ZZEF1: variants seen among roughly 807,000 people sequenced by gnomAD.
The protein encoded by ZZEF1 is zinc finger ZZ-type and EF-hand domain-containing protein 1.
A neutral mutation model predicts 342.8 loss-of-function variants in ZZEF1; 157 were observed. That is an observed-to-expected ratio of 0.46 (90% CI 0.40 to 0.52). The LOEUF is 0.52. ZZEF1 is among the 20% of genes least tolerant of loss of function. The pLI is 0.00. For synonymous variants in ZZEF1, 1,505 were observed against 1,429.1 expected (o/e 1.05, Z -1.20); for missense variants, 3,480 against 3,725.6 (o/e 0.93, Z 1.72).
rs1342949222 is a variant in ZZEF1 at position 4,005,734 on chromosome 17, G to T, written c.*1156C>A. 1 of 152,316 alleles carries T rather than the reference G, an allele frequency of 6.6e-6. No homozygotes were observed. The allele number at this position is 152,316 out of a possible 1,614,324, so 9.4% of individuals were successfully genotyped here. A position where few individuals can be genotyped will look rare whatever the true frequency, so the allele number is the denominator to read the frequency against. ...TTCTCTGGCTCTGGCACTGTGTGGTGGGACGTGCTTCGGCCCAGACACTGC... is the reference window on the plus strand; with the variant it reads ...TTCTCTGGCTCTGGCACTGTGTGGTTGGACGTGCTTCGGCCCAGACACTGC... On this transcript the variant is annotated 3_prime_UTR_variant, in exon 55 of 55. Transcript: ENST00000381638.
intron 11 of ZZEF1, among the ~76,000 whole-genome samples, chr17:4,092,959 C>CAA (rs111253238): frequency 1.0e-5 from 1 of 97,210 alleles, no homozygotes; most frequent in Non-Finnish European, 2.2e-5. Flanking sequence ...AGGACATGAC[C>CAA]AAAAAAAAAA....
chr17:4,014,289 T>A lies in ZZEF1; in HGVS notation c.8314+58A>T, dbSNP rs1372520455. 6.2e-7 allele frequency: 1 copy of A among 1,611,392 alleles called. No individual in the cohort carries two copies. Among genetic ancestry groups the A allele is most frequent in the African/African-American group, 1.3e-5 (1 of 74,866 alleles). ...ATTCTCCAGTAAGTTCCCTTCTCAA[T>A]ATTAAGTTTAAACACTGCCTGTGAA... is the stretch of plus-strand genomic sequence containing the variant. On this transcript the variant is annotated intron_variant, in intron 50 of 54. Transcript: ENST00000381638. This position sits in a 1 kb window ranked among gnomAD's most constrained non-coding sequence, Gnocchi z 4.4.
chr17:4,017,229 C>G lies in ZZEF1; in HGVS notation c.8001+142G>C. ...CAATCCTTGGGAGAGGATACAGTGA[C>G]CCTACCTTTGCTGCATTCACACCTG... is the stretch of plus-strand genomic sequence containing the variant. On this transcript the variant is annotated intron_variant, in intron 48 of 54. Coordinates refer to ENST00000381638, the MANE Select transcript of ZZEF1 (RefSeq NM_015113.4). This position sits in a 1 kb window ranked among gnomAD's most constrained non-coding sequence, Gnocchi z 5.1. 1 of 1,202,696 alleles carries G rather than the reference C, an allele frequency of 8.3e-7. No individual in the cohort carries two copies. The highest frequency in any genetic ancestry group is 1.1e-6 in the Non-Finnish European group (1 of 876,718). The allele number at this position is 1,202,696 out of a possible 1,614,324, so 74.5% of individuals were successfully genotyped here.
intron 21 of ZZEF1, chr17:4,076,405 T>G (rs2057621577): frequency 2.9e-6 from 1 of 348,926 alleles, no homozygotes; most frequent in African/African-American, 2.1e-5. Context: ...AGTGCTGGGA[T>G]TACAAGCGTG....
rs1392836849 is a variant in ZZEF1 at position 4,008,545 on chromosome 17, C to T, written c.8805+338G>A. ...CAAACAGCTGTCAGAAGAGGAGTTC[C>T]GCTACCAGAGAAGCAACTCACATCT... On this transcript the variant is annotated intron_variant, in intron 54 of 54. Coordinates refer to ENST00000381638, the MANE Select transcript of ZZEF1 (RefSeq NM_015113.4). The surrounding 1 kb of genome is among the most constrained non-coding windows in gnomAD (Gnocchi z 4.2). 1.3e-5 allele frequency: 14 copies of T among 1,061,514 alleles called. No individual in the cohort carries two copies. The highest frequency in any genetic ancestry group is 5.2e-5 in the Admixed American group (1 of 19,052). The allele number at this position is 1,061,514 out of a possible 1,614,324, so 65.8% of individuals were successfully genotyped here.
chr17:4,095,106 C>T (rs1254021535), intron 11 of ZZEF1, among the ~76,000 whole-genome samples: 4 of 152,178 alleles, frequency 2.6e-5, no homozygotes, highest in Admixed American at 1.3e-4. Context: ...ACCCTCCCTC[C>T]GAGTATCCCT....
At chr17:4,113,916 C>T (rs1458942275) in intron 4 of ZZEF1, among the ~76,000 whole-genome samples, 3 of 151,804 alleles carry the variant, frequency 2.0e-5, no homozygotes, top group Non-Finnish European at 4.4e-5. Flanking sequence ...TTACAGTGAG[C>T]TATGGCTGCA....
At chr17:4,096,475 G>A (rs2058035149) in intron 10 of ZZEF1, 134 bp downstream of exon 10, 4 of 731,760 alleles carry the variant, frequency 5.5e-6, no homozygotes, top group Non-Finnish European at 9.3e-6. Flanking sequence ...CTCATCCTCT[G>A]TATGATTATT....
chr17:4,006,933 T>G lies in ZZEF1; in HGVS notation c.8843A>C (p.Asn2948Thr), dbSNP rs745772153. ...GAGGCGGGTGGCCTTGTTTGGGTAG[T>G]TGATGGCCAGGCTGATGGCAGCAAT... The part of the protein sequence containing the change: ...QNIAAISLAI[N>T]YPNKATRLWN... Residue 2948 changes from asparagine to threonine, a missense_variant, in exon 55 of 55, where the codon AAC becomes ACC. Transcript: ENST00000381638. 2 of 1,576,986 alleles carry G rather than the reference T, an allele frequency of 1.3e-6. No homozygotes were observed. Among genetic ancestry groups the G allele is most frequent in the African/African-American group, 2.7e-5 (2 of 74,262 alleles).
chr17:4,119,911 T>C (rs145257469), intron 2 of ZZEF1, among the ~76,000 whole-genome samples: 23 of 152,332 alleles, frequency 1.5e-4, no homozygotes, highest in Middle Eastern at 3.4e-3. Context: ...AGTGCATTTA[T>C]TCTGCACAAC....
intron 1 of ZZEF1, among the ~76,000 whole-genome samples, chr17:4,134,692 T>C (rs888458137): frequency 9.9e-5 from 15 of 152,010 alleles, no homozygotes; most frequent in African/African-American, 3.4e-4. Flanking sequence ...TTTTAAGGCA[T>C]ATGGTTAGTA....
chr17:4,110,616 T>C (rs1694889661), intron 5 of ZZEF1, among the ~76,000 whole-genome samples: 1 of 152,180 alleles, frequency 6.6e-6, no homozygotes, highest in South Asian at 2.1e-4. Flanking sequence ...ATTGTGATTA[T>C]TTCCAAAATG....
At chr17:4,142,243 C>G (rs564643654) in intron 1 of ZZEF1, among the ~76,000 whole-genome samples, 3 of 62,518 alleles carry the variant, frequency 4.8e-5, no homozygotes, top group Non-Finnish European at 1.4e-4. Flanking sequence ...CCAAACTGTT[C>G]GAGAATCTGA....
chr17:4,008,744 G>A lies in ZZEF1; in HGVS notation c.8805+139C>T, dbSNP rs2144911605. The A allele has an allele frequency of 7.0e-7, 1 of 1,431,914 alleles. No individual in the cohort carries two copies. The allele number at this position is 1,431,914 out of a possible 1,614,324, so 88.7% of individuals were successfully genotyped here. Reference sequence around the variant, plus strand: ...CTCTGAGCACCAGGAGGAAGTGACTGAACTGGAACAAGCTCTGTGTAAGCT... The same window carrying A: ...CTCTGAGCACCAGGAGGAAGTGACTAAACTGGAACAAGCTCTGTGTAAGCT... On this transcript the variant is annotated intron_variant, in intron 54 of 54. Coordinates refer to ENST00000381638, the MANE Select transcript of ZZEF1 (RefSeq NM_015113.4). This position sits in a 1 kb window ranked among gnomAD's most constrained non-coding sequence, Gnocchi z 4.2.
chr17:4,013,213 A>T (rs2056011592), intron 52 of ZZEF1, among the ~76,000 whole-genome samples: 1 of 152,238 alleles, frequency 6.6e-6, no homozygotes, highest in African/African-American at 2.4e-5. Flanking sequence ...TAAGTGTGAA[A>T]GGAAAAACAA....
At chr17:4,112,569 C>T in intron 5 of ZZEF1, 40 bp downstream of exon 5, 1 of 1,604,220 alleles carries the variant, frequency 6.2e-7, no homozygotes, top group Non-Finnish European at 8.5e-7. Flanking sequence ...AAATACTACT[C>T]CCTTGCTTTT....
chr17:4,042,605 TCTCCACATGTATGAAGAGG>T (rs1177571383), intron 38 of ZZEF1, 37 bp from the exon 39 acceptor site: 12 of 1,603,604 alleles, frequency 7.5e-6, no homozygotes, highest in Non-Finnish European at 1.0e-5. Context: ...TTTGCCTGCA[TCTCCACATGTATGAAGAGG>T]CAAGTAAACC....
In ZZEF1 at chr17:4,027,099, T is replaced by C. The variant is rs552822430; in HGVS notation, c.6893-1981A>G. ...ATAGATAGCTAAATATAAAAGCTAATGTTTTCTCATTTTAAAATCTCTTGA... is the reference window on the plus strand; with the variant it reads ...ATAGATAGCTAAATATAAAAGCTAACGTTTTCTCATTTTAAAATCTCTTGA... On this transcript the variant is annotated intron_variant, in intron 42 of 54. Coordinates refer to ENST00000381638, the MANE Select transcript of ZZEF1 (RefSeq NM_015113.4). Among the ~76,000 whole-genome samples the C allele has an allele frequency of 2.0e-5, 3 of 152,136 alleles. No homozygotes were observed. The South Asian group carries it at 6.2e-4, about 32-fold the overall frequency.
intron 54 of ZZEF1, among the ~76,000 whole-genome samples, chr17:4,007,230 G>A (rs1250738584): frequency 6.6e-6 from 1 of 152,252 alleles, no homozygotes; most frequent in African/African-American, 2.4e-5. Flanking sequence ...TGTCTGCAGA[G>A]GTCTGGGAAA....
Sources: gnomAD v4.1 joint callset for allele counts (sites outside exome capture counted in the v4.1 genomes callset) on GRCh38, gnomAD v4.1.1 for gene constraint, Gnocchi (gnomAD v3.1) non-coding constraint, MANE v1.5 for transcripts, NCBI Gene and HGNC (gene_info 2026-07-23, HGNC 2026-07-21) for gene names.